Variants in SAMD5 observed in about 807,000 individuals in gnomAD.
SAMD5 encodes sterile alpha motif domain containing 5.
Under a neutral mutation model 11.3 loss-of-function variants are expected in SAMD5, and 13 were observed. That is an observed-to-expected ratio of 1.15 (90% CI 0.75 to 1.83). The LOEUF (loss-of-function observed/expected upper bound fraction) is 1.83, where lower values mean the gene tolerates loss of function less well. Among genes scored for constraint, SAMD5 ranks in the 40% most tolerant of loss-of-function variants. The pLI is 0.00. For missense variants in SAMD5, 255 were observed against 239.1 expected (o/e 1.07, Z -0.44); for synonymous variants, 129 against 111.3 (o/e 1.16, Z -1.00).
At chr6:147,880,092 T>C in the SAMD5 span, among the ~76,000 whole-genome samples, 2 of 152,232 alleles carry the variant, frequency 1.3e-5, no homozygotes, top group African/African-American at 4.8e-5. Flanking sequence ...TTTTATTTAA[T>C]CTTCATAAAA....
At chr6:147,547,741 G>A (rs1429995065) in intron 1 of SAMD5, among the ~76,000 whole-genome samples, 1 of 152,126 alleles carries the variant, frequency 6.6e-6, no homozygotes, top group African/African-American at 2.4e-5. Flanking sequence ...CACTCGAAAC[G>A]GAGGGGATTA....
the SAMD5 span, among the ~76,000 whole-genome samples, chr6:147,850,046 G>A: frequency 3.9e-5 from 6 of 152,116 alleles, no homozygotes; most frequent in Non-Finnish European, 8.8e-5. Flanking sequence ...TACAATGTAT[G>A]CTTTAATAAA....
intron 1 of SAMD5, among the ~76,000 whole-genome samples, chr6:147,561,217 G>A (rs571868707): frequency 3.5e-4 from 53 of 151,776 alleles, no homozygotes; most frequent in African/African-American, 1.0e-3. Flanking sequence ...ATTTTGAGAC[G>A]GAGTCTCTGT....
At chr6:147,885,275 A>G in the SAMD5 span, among the ~76,000 whole-genome samples, 2 of 152,184 alleles carry the variant, frequency 1.3e-5, no homozygotes, top group African/African-American at 4.8e-5. Context: ...CATGGGCAAC[A>G]TAGCAATAGC....
chr6:147,593,150 A>T (rs949343718), intron 1 of SAMD5, among the ~76,000 whole-genome samples: 6 of 152,088 alleles, frequency 3.9e-5, no homozygotes, highest in Non-Finnish European at 8.8e-5. Flanking sequence ...GCACTCATGC[A>T]TTTGCTCATT....
At chr6:147,772,386 T>C in the SAMD5 span, among the ~76,000 whole-genome samples, 3 of 152,100 alleles carry the variant, frequency 2.0e-5, no homozygotes, top group Non-Finnish European at 4.4e-5. Context: ...TTAAAATATT[T>C]CACATTTAAA....
chr6:147,930,686 T>C, the SAMD5 span, among the ~76,000 whole-genome samples: 1 of 152,066 alleles, frequency 6.6e-6, no homozygotes, highest in Non-Finnish European at 1.5e-5. Context: ...GCCAGAGGCC[T>C]GAGAGCCCCT....
intron 1 of SAMD5, among the ~76,000 whole-genome samples, chr6:147,677,086 C>T (rs11757812): frequency 0.4 from 61,468 of 151,920 alleles, 14,490 homozygotes; most frequent in Admixed American, 0.53. Context: ...TCAGAGCTAC[C>T]GACAATGTCA....
chr6:147,688,997 A>G (rs1458568337), intron 1 of SAMD5, among the ~76,000 whole-genome samples: 1 of 152,328 alleles, frequency 6.6e-6, no homozygotes, highest in East Asian at 1.9e-4. Context: ...TAGAGTTTTC[A>G]ATGTATTAAG....
chr6:147,509,529 T>G (rs1260434574), intron 1 of SAMD5, 142 bp downstream of exon 1: 1 of 649,824 alleles, frequency 1.5e-6, no homozygotes, highest in Non-Finnish European at 2.4e-6. Context: ...CTTTTCTATG[T>G]TCTTTCTGTA....
At chr6:147,614,682 T>G (rs961889464) in intron 1 of SAMD5, among the ~76,000 whole-genome samples, 2 of 151,674 alleles carry the variant, frequency 1.3e-5, no homozygotes, top group Admixed American at 6.6e-5. Context: ...TGGGGAAGGG[T>G]TGGGGATAGT....
chr6:147,631,314 G>A (rs1790147385), intron 1 of SAMD5, among the ~76,000 whole-genome samples: 2 of 152,210 alleles, frequency 1.3e-5, no homozygotes, highest in Non-Finnish European at 1.5e-5. Context: ...GAGGACCCAG[G>A]ACATCCAATT....
chr6:147,511,372 A>C (rs1040305977), intron 1 of SAMD5, among the ~76,000 whole-genome samples: 1 of 152,362 alleles, frequency 6.6e-6, no homozygotes. Flanking sequence ...AGTGGGTGCT[A>C]TGGTAGTGCA....
chr6:147,583,682 T>C (rs1789333068), intron 1 of SAMD5, among the ~76,000 whole-genome samples: 1 of 152,098 alleles, frequency 6.6e-6, no homozygotes, highest in Non-Finnish European at 1.5e-5. Context: ...AATGAGAAAA[T>C]ACTCATCAAC....
At chr6:147,761,491 C>G in the SAMD5 span, among the ~76,000 whole-genome samples, 2 of 151,892 alleles carry the variant, frequency 1.3e-5, no homozygotes, top group Non-Finnish European at 2.9e-5. Context: ...TTTTTCAGTA[C>G]TGTATAGAAG....
At chr6:147,646,462 G>A (rs931447993) in intron 1 of SAMD5, among the ~76,000 whole-genome samples, 6 of 152,168 alleles carry the variant, frequency 3.9e-5, no homozygotes, top group African/African-American at 9.6e-5. Flanking sequence ...AAAGGATTTC[G>A]ATTGGCCTGT....
chr6:147,562,939 C>A (rs1280407076), intron 1 of SAMD5, among the ~76,000 whole-genome samples: 1 of 152,176 alleles, frequency 6.6e-6, no homozygotes, highest in Non-Finnish European at 1.5e-5. Flanking sequence ...AGCCCAACAA[C>A]TTGGTTTGTT....
At chr6:147,895,159 C>G in the SAMD5 span, among the ~76,000 whole-genome samples, 1 of 152,208 alleles carries the variant, frequency 6.6e-6, no homozygotes, top group African/African-American at 2.4e-5. Flanking sequence ...AGCACTGGCC[C>G]TGCCTTTTCT....
the SAMD5 span, among the ~76,000 whole-genome samples, chr6:147,930,403 C>T: frequency 2.0e-5 from 3 of 152,092 alleles, no homozygotes; most frequent in South Asian, 4.1e-4. Context: ...AGCCACTCCT[C>T]ATACCGATTT....
Sources: allele counts gnomAD v4.1 joint callset (sites outside exome capture counted in the v4.1 genomes callset), GRCh38; gene constraint gnomAD v4.1.1; transcripts MANE v1.5; gene names NCBI Gene and HGNC (gene_info 2026-07-23, HGNC 2026-07-21).